The following DNAH17 variants were observed in gnomAD, a reference collection of about 807,000 sequenced individuals.
The protein encoded by DNAH17 is axonemal beta dynein heavy chain 17.
In DNAH17, 376 loss-of-function variants were observed where a neutral mutation model predicts 485.6. That is an observed-to-expected ratio of 0.77 (90% CI 0.71 to 0.84). The LOEUF (loss-of-function observed/expected upper bound fraction) is 0.84, where lower values mean the gene tolerates loss of function less well. Ranked by LOEUF, DNAH17 falls within the 40% of genes least tolerant of loss-of-function variation. The pLI is 0.00. For missense variants in DNAH17, 6,370 were observed against 5,839.3 expected (o/e 1.09, Z -2.96); for synonymous variants, 3,031 against 2,405.9 (o/e 1.26, Z -7.60).
At chr17:78,485,280 G>C (rs1410631300) in intron 47 of DNAH17, 4 of 625,492 alleles carry the variant, frequency 6.4e-6, no homozygotes, top group African/African-American at 1.8e-5. Flanking sequence ...GGTCGCCTTA[G>C]ATTGGCTGAG....
rs370262501 is a variant in DNAH17 at position 78,441,129 on chromosome 17, C to G, written c.11599G>C (p.Glu3867Gln). The G allele has an allele frequency of 2.5e-6, 4 of 1,613,948 alleles. No homozygotes were observed. Among genetic ancestry groups the G allele is most frequent in the Non-Finnish European group, 3.4e-6 (4 of 1,179,892 alleles). Residue 3867 changes from glutamate to glutamine, a missense_variant, in exon 72 of 81, where the codon GAG (glutamate) becomes CAG (glutamine). Coordinates refer to ENST00000389840, the MANE Select transcript of DNAH17 (RefSeq NM_173628.4). ...GRSVEFSKSYEESSPSTSIFF... is the reference protein window; with the variant it reads ...GRSVEFSKSYQESSPSTSIFF... ...ATTGACGTGGAGGGGCTGCTCTCCT[C>G]GTAGGACTTAGAAAACTCAACACTC... is the stretch of plus-strand genomic sequence containing the variant.
rs370502133 is a variant in DNAH17 at position 78,543,275 on chromosome 17, C to T, written c.2532+582G>A. ...GATTACAGGCATGTGCCAACGTGCC[C>T]GGTTAATTTTTGTTTTTTTTTTTTT... On this transcript the variant is annotated intron_variant, in intron 17 of 80. Transcript: ENST00000389840. 4.6e-3 allele frequency among the ~76,000 whole-genome samples: 640 copies of T among 138,236 alleles called. 10 individuals are homozygous for T. Among genetic ancestry groups the T allele is most frequent in the African/African-American group, 0.016 (596 of 36,338 alleles). 90.7% of individuals were successfully genotyped at this position (138,236 alleles called of 152,430 possible). A position where few individuals can be genotyped will look rare whatever the true frequency, so the allele number is the denominator to read the frequency against.
chr17:78,484,784 C>T (rs1239172790), intron 48 of DNAH17, 84 bp downstream of exon 48: 1 of 1,247,272 alleles, frequency 8.0e-7, no homozygotes, highest in Non-Finnish European at 1.1e-6. Context: ...TGCCCTGGGG[C>T]TCCGCCTCTT....
At chr17:78,553,283 GTTTTTTTTTTTTTTTTTTTTTTT>G (rs60587420) in intron 14 of DNAH17, among the ~76,000 whole-genome samples, 3 of 51,018 alleles carry the variant, frequency 5.9e-5, no homozygotes, top group African/African-American at 2.7e-4. Flanking sequence ...AGGTTTTTGT[GTTTTTTTTTTTTTTTTTTTTTTT>G]TTTTTTTTTT....
chr17:78,549,103 G>A (rs1050554415), intron 16 of DNAH17, among the ~76,000 whole-genome samples: 6 of 152,210 alleles, frequency 3.9e-5, no homozygotes, highest in African/African-American at 7.2e-5. Flanking sequence ...TGAACTGCAC[G>A]TCTGTGTTCT....
intron 2 of DNAH17, among the ~76,000 whole-genome samples, chr17:78,573,934 C>A (rs1225698519): frequency 1.3e-5 from 2 of 151,964 alleles, no homozygotes; most frequent in African/African-American, 4.8e-5. Context: ...CAAAGTGTGT[C>A]CCCCCCACCT....
chr17:78,460,948 A>C (rs1416546247), intron 58 of DNAH17, among the ~76,000 whole-genome samples: 1 of 152,136 alleles, frequency 6.6e-6, no homozygotes, highest in Non-Finnish European at 1.5e-5. Flanking sequence ...CAGATGTAGG[A>C]CTGATGACAA....
chr17:78,565,696 G>A (rs539984685), intron 11 of DNAH17, among the ~76,000 whole-genome samples: 55 of 152,332 alleles, frequency 3.6e-4, no homozygotes, highest in African/African-American at 1.3e-3. Flanking sequence ...GCTCACGCCT[G>A]TAATCCCAGC....
intron 48 of DNAH17, among the ~76,000 whole-genome samples, chr17:78,484,095 C>CAAAA (rs11290299): frequency 6.5e-4 from 25 of 38,398 alleles, no homozygotes; most frequent in East Asian, 5.4e-3. Context: ...GATTTCTCCT[C>CAAAA]AAAAAAAAAA....
chr17:78,535,229 G>T (rs1220142401), intron 19 of DNAH17, among the ~76,000 whole-genome samples: 1 of 152,190 alleles, frequency 6.6e-6, no homozygotes, highest in Non-Finnish European at 1.5e-5. Context: ...GCACACCCGG[G>T]ACACACTGAT....
intron 31 of DNAH17, among the ~76,000 whole-genome samples, chr17:78,504,548 G>A (rs2146732034): frequency 6.8e-6 from 1 of 146,212 alleles, no homozygotes; most frequent in South Asian, 2.2e-4. Context: ...TTGAACCTCA[G>A]GTTTTCTCGA....
chr17:78,506,568 C>T (rs560634943), intron 30 of DNAH17, among the ~76,000 whole-genome samples, 152 bp downstream of exon 30: 1 of 152,148 alleles, frequency 6.6e-6, no homozygotes, highest in Non-Finnish European at 1.5e-5. Context: ...GCTGGGGACC[C>T]CAGGGCAGCT....
chr17:78,471,113 T>C (rs977045214), intron 54 of DNAH17, among the ~76,000 whole-genome samples: 2 of 152,242 alleles, frequency 1.3e-5, no homozygotes, highest in African/African-American at 4.8e-5. Flanking sequence ...TATGGGCTTC[T>C]GTACTTATTG....
chr17:78,544,278 G>A (rs1406594571), intron 16 of DNAH17, among the ~76,000 whole-genome samples: 1 of 152,188 alleles, frequency 6.6e-6, no homozygotes, highest in African/African-American at 2.4e-5. Flanking sequence ...GCCAGAATGG[G>A]GTCACTCTCA....
chr17:78,549,386 G>T (rs1488928793), intron 16 of DNAH17, among the ~76,000 whole-genome samples: 1 of 152,196 alleles, frequency 6.6e-6, no homozygotes, highest in Non-Finnish European at 1.5e-5. Context: ...GTAGCCTCCT[G>T]AAATGACCAG....
At position 78,434,205 on chromosome 17, in the gene DNAH17, A is replaced by G. The variant is rs780691165; in HGVS notation, c.12049T>C (p.Cys4017Arg). Reference sequence around the variant, plus strand: ...CACTTGAACTCCATCTCCTTGGTGCACATCTCCAGGGTGTCCTGTGGGGCA... The same window carrying G: ...CACTTGAACTCCATCTCCTTGGTGCGCATCTCCAGGGTGTCCTGTGGGGCA... ...DLFTQDTLEMCTKEMEFKCML... is the reference protein window; with the variant it reads ...DLFTQDTLEMRTKEMEFKCML... Residue 4017 changes from cysteine (C) to arginine (R), a missense_variant, in exon 75 of 81, where the codon TGC (cysteine) becomes CGC (arginine). Transcript: ENST00000389840. 6.2e-7 allele frequency: 1 copy of G among 1,610,972 alleles called. No homozygotes were observed. The highest frequency in any genetic ancestry group is 8.5e-7 in the Non-Finnish European group (1 of 1,177,850).
chr17:78,454,414 A>AAGGCGTGCTTCCAAGCAG (rs2087696127), intron 64 of DNAH17, 56 bp downstream of exon 64: 2 of 1,421,466 alleles, frequency 1.4e-6, no homozygotes, highest in Non-Finnish European at 1.9e-6. Flanking sequence ...TGGAATGCCT[A>AAGGCGTGCTTCCAAGCAG]AGGCGTGCTT....
At chr17:78,501,113 G>C in intron 35 of DNAH17, 71 bp downstream of exon 35, 1 of 1,472,514 alleles carries the variant, frequency 6.8e-7, no homozygotes. Context: ...CCTCCAAGTC[G>C]GACAGTTCCA....
At chr17:78,489,931 A>C (rs1013042794) in intron 44 of DNAH17, 4 of 152,038 alleles carry the variant, frequency 2.6e-5, no homozygotes, top group Non-Finnish European at 5.9e-5. Context: ...TGCCTCAGGA[A>C]CACCTCACTG....
Sources: gnomAD v4.1 joint callset for allele counts (sites outside exome capture counted in the v4.1 genomes callset) on GRCh38, gnomAD v4.1.1 for gene constraint, MANE v1.5 for transcripts, NCBI Gene and HGNC (gene_info 2026-07-23, HGNC 2026-07-21) for gene names.